Variants in PTPRK observed in about 807,000 individuals in gnomAD.
The protein encoded by PTPRK is protein tyrosine phosphatase receptor type K.
PTPRK carries 75 observed loss-of-function variants against 178.0 expected under a neutral mutation model. That is an observed-to-expected ratio of 0.42 (90% CI 0.35 to 0.51). PTPRK has a LOEUF of 0.51. PTPRK is among the 20% of genes least tolerant of loss of function. The pLI is 0.02. For synonymous variants in PTPRK, 637 were observed against 620.6 expected, an observed-to-expected ratio of 1.03 and a Z score of -0.39; for missense variants, 1,441 against 1,797.8, an observed-to-expected ratio of 0.80 and a Z score of 3.59.
At chr6:128,431,405 G>C (rs1213530934) in intron 1 of PTPRK, among the ~76,000 whole-genome samples, 1 of 152,086 alleles carries the variant, frequency 6.6e-6, no homozygotes, top group Non-Finnish European at 1.5e-5. Context: ...GAGCTAAGCA[G>C]TCTGAAAATG....
In PTPRK at chr6:128,214,356, A is replaced by G. The variant is rs539272809; in HGVS notation, c.868+4566T>C. On this transcript the variant is annotated intron_variant, in intron 6 of 29. Transcript: ENST00000368226. ...TATGGTAACACCCTTCTCCAATAGT[A>G]CCATATTCCAAACTCTGTATGTCCT... is the stretch of plus-strand genomic sequence containing the variant. 7.9e-5 allele frequency among the ~76,000 whole-genome samples: 12 copies of G among 152,206 alleles called. No homozygotes were observed. In the South Asian group the frequency reaches 2.1e-3, roughly 26 times the overall value.
chr6:128,226,089 TG>T (rs1811246404), intron 5 of PTPRK, among the ~76,000 whole-genome samples: 1 of 152,106 alleles, frequency 6.6e-6, no homozygotes, highest in South Asian at 2.1e-4. Context: ...ACAGAGCAGG[TG>T]TAAGTGACAG....
chr6:128,411,140 A>C (rs1187331209), intron 1 of PTPRK, among the ~76,000 whole-genome samples: 3 of 151,930 alleles, frequency 2.0e-5, no homozygotes, highest in African/African-American at 7.3e-5. Context: ...CGATTCACTC[A>C]CCTCAGCCTC....
chr6:127,995,003 G>T (rs1280469612), intron 18 of PTPRK, among the ~76,000 whole-genome samples: 2 of 151,806 alleles, frequency 1.3e-5, no homozygotes, highest in Non-Finnish European at 2.9e-5. Context: ...AATAAAACTC[G>T]AGTACATAAT....
intron 20 of PTPRK, 133 bp from the exon 21 acceptor site, chr6:127,991,018 A>G (rs1776546684): frequency 9.4e-6 from 6 of 637,658 alleles, no homozygotes; most frequent in Non-Finnish European, 1.4e-5. Context: ...AAAAAAATCT[A>G]TTATACAATA....
At chr6:128,236,257 C>T (rs933270280) in intron 5 of PTPRK, among the ~76,000 whole-genome samples, 34 of 151,664 alleles carry the variant, frequency 2.2e-4, no homozygotes, top group African/African-American at 8.2e-4. Context: ...CGTTTATATC[C>T]AGAATACATG....
chr6:128,038,597 T>A (rs1776623916), intron 13 of PTPRK, among the ~76,000 whole-genome samples: 2 of 152,160 alleles, frequency 1.3e-5, no homozygotes, highest in Admixed American at 1.3e-4. Context: ...CTATCTTAAA[T>A]CAAGATGATT....
At chr6:128,340,391 C>G (rs1178238289) in intron 2 of PTPRK, among the ~76,000 whole-genome samples, 2 of 152,130 alleles carry the variant, frequency 1.3e-5, no homozygotes, top group African/African-American at 4.8e-5. Context: ...CTTATGGAAT[C>G]CCCCCATTCT....
In PTPRK at chr6:128,089,965, T is replaced by A. The variant is rs759551672; in HGVS notation, c.1190A>T (p.Lys397Met). The change falls in exon 8 of 30, where the codon AAG becomes ATG. Residue 397 changes from lysine to methionine, a missense_variant. Around this residue, in one of 4 missense-constraint regions of PTPRK, gnomAD observed 945 missense variants for 1,080.6 expected, o/e 0.87. Coordinates refer to ENST00000368226, the MANE Select transcript of PTPRK (RefSeq NM_002844.4). ...CCGTCTTGCCTGTATTTCAGCAATC[T>A]TTAATGTCTTTGGGGTTCTCATAGG... ...AEPMRTPKTL[K>M]IAEIQARRIA... is the part of the protein sequence containing the mutation. 1.1e-5 allele frequency: 18 copies of A among 1,609,286 alleles called. No individual in the cohort carries two copies. Among genetic ancestry groups the A allele is most frequent in the Non-Finnish European group, 1.5e-5 (18 of 1,175,630 alleles).
chr6:128,295,248 A>G (rs1387470206), intron 3 of PTPRK, among the ~76,000 whole-genome samples: 1 of 152,112 alleles, frequency 6.6e-6, no homozygotes, highest in Admixed American at 6.6e-5. Flanking sequence ...CCAACCACTT[A>G]AAAGTGTAAA....
At chr6:128,135,455 C>T (rs188318184) in intron 7 of PTPRK, among the ~76,000 whole-genome samples, 5 of 152,272 alleles carry the variant, frequency 3.3e-5, no homozygotes, top group African/African-American at 1.2e-4. Context: ...CTTTATGCTG[C>T]CTGTACAACA....
At chr6:128,167,069 C>G (rs914887339) in intron 7 of PTPRK, among the ~76,000 whole-genome samples, 2 of 151,566 alleles carry the variant, frequency 1.3e-5, no homozygotes, top group African/African-American at 4.8e-5. Flanking sequence ...AAAAAACTCC[C>G]TCAAAATCAG....
At chr6:128,346,914 A>T (rs1832506573) in intron 2 of PTPRK, among the ~76,000 whole-genome samples, 1 of 152,172 alleles carries the variant, frequency 6.6e-6, no homozygotes, top group Non-Finnish European at 1.5e-5. Context: ...GAATGAAAAC[A>T]TTAATTTACA....
intron 7 of PTPRK, among the ~76,000 whole-genome samples, chr6:128,107,576 A>G (rs1789930579): frequency 6.6e-6 from 1 of 152,218 alleles, no homozygotes; most frequent in African/African-American, 2.4e-5. Context: ...TAAAAAACAT[A>G]TAATTTTAAG....
intron 7 of PTPRK, among the ~76,000 whole-genome samples, chr6:128,117,553 T>C (rs924463089): frequency 6.6e-6 from 1 of 152,182 alleles, no homozygotes; most frequent in Non-Finnish European, 1.5e-5. Flanking sequence ...AATGCTGCAG[T>C]TTTCTGTATT....
chr6:128,152,872 G>C (rs975009276), intron 7 of PTPRK, among the ~76,000 whole-genome samples: 1 of 151,966 alleles, frequency 6.6e-6, no homozygotes, highest in African/African-American at 2.4e-5. Flanking sequence ...TGCGGAAGAA[G>C]AGTGACAGAA....
At chr6:128,010,451 T>C (rs898666053) in intron 13 of PTPRK, among the ~76,000 whole-genome samples, 6 of 151,268 alleles carry the variant, frequency 4.0e-5, no homozygotes, top group Admixed American at 3.3e-4. Context: ...GTCTACATTC[T>C]GATCCTTTCT....
At chr6:128,205,471 C>T (rs1178579697) in intron 6 of PTPRK, among the ~76,000 whole-genome samples, 3 of 151,882 alleles carry the variant, frequency 2.0e-5, no homozygotes, top group Non-Finnish European at 2.9e-5. Context: ...AAGAAAAGGC[C>T]AGGCGTGGTG....
At chr6:128,071,833 G>A (rs1782881284) in intron 11 of PTPRK, among the ~76,000 whole-genome samples, 1 of 151,998 alleles carries the variant, frequency 6.6e-6, no homozygotes, top group African/African-American at 2.4e-5. Flanking sequence ...TTCCTTCATT[G>A]TTCAATCTGA....
Sources: allele counts gnomAD v4.1 joint callset (sites outside exome capture counted in the v4.1 genomes callset), GRCh38; gene constraint gnomAD v4.1.1; regional missense constraint gnomAD v4.1.1; transcripts MANE v1.5; gene names NCBI Gene and HGNC (gene_info 2026-07-23, HGNC 2026-07-21).